Variants in SLC6A17 observed in about 807,000 individuals in gnomAD.
The protein encoded by SLC6A17 is sodium-dependent neutral amino acid transporter SLC6A17.
Under a neutral mutation model 64.5 loss-of-function variants are expected in SLC6A17, and 21 were observed. That is an observed-to-expected ratio of 0.33 (90% CI 0.23 to 0.47). The LOEUF (loss-of-function observed/expected upper bound fraction) is 0.47. Among genes scored for constraint, SLC6A17 ranks in the 20% least tolerant of loss-of-function variants. SLC6A17 has a pLI of 1.00. For missense variants in SLC6A17, 682 were observed against 963.2 expected, an observed-to-expected ratio of 0.71 and a Z score of 3.86; for synonymous variants, 372 against 399.5, an observed-to-expected ratio of 0.93 and a Z score of 0.82.
chr1:110,170,827 G>A (rs1047654311), intron 2 of SLC6A17, among the ~76,000 whole-genome samples: 2 of 151,974 alleles, frequency 1.3e-5, no homozygotes, highest in Non-Finnish European at 2.9e-5. Context: ...TGCATGGTTG[G>A]CTTGTGTGAC....
In SLC6A17 at chr1:110,194,814, C is replaced by A. The variant is rs781421176; in HGVS notation, c.1492+43C>A. 4 of 1,603,486 alleles carry A rather than the reference C, an allele frequency of 2.5e-6. No homozygotes were observed. In the Admixed American group the frequency reaches 5.0e-5, roughly 20 times the overall value. ...CCATGCCCAGGCTCTGCAGGCTGCCCTTGTGGACAACAATTCCGTTCTGGC... is the reference window on the plus strand; with the variant it reads ...CCATGCCCAGGCTCTGCAGGCTGCCATTGTGGACAACAATTCCGTTCTGGC... On this transcript the variant is annotated intron_variant, in intron 9 of 11. Transcript: ENST00000331565.
chr1:110,164,563 C>G (rs1223821350), intron 1 of SLC6A17, among the ~76,000 whole-genome samples: 4 of 152,184 alleles, frequency 2.6e-5, no homozygotes, highest in African/African-American at 9.7e-5. Context: ...TTGTGCGAGC[C>G]CTTTGCATCC....
chr1:110,190,709 C>T (rs1656803415), intron 6 of SLC6A17, among the ~76,000 whole-genome samples: 1 of 152,220 alleles, frequency 6.6e-6, no homozygotes, highest in Admixed American at 6.5e-5. Context: ...TCTGAATTGG[C>T]TCCTTGCCTC....
At chr1:110,161,448 C>T (rs1655906852) in intron 1 of SLC6A17, among the ~76,000 whole-genome samples, 1 of 151,800 alleles carries the variant, frequency 6.6e-6, no homozygotes, top group Non-Finnish European at 1.5e-5. Flanking sequence ...TGAAGAGGTG[C>T]TTTTTAAGGA....
At position 110,199,738 on chromosome 1, in the gene SLC6A17, C is replaced by T. The variant is rs1571007609; in HGVS notation, c.*1294C>T. 7.8e-6 allele frequency: 3 copies of T among 383,044 alleles called. No homozygotes were observed. The highest frequency in any genetic ancestry group is 1.4e-5 in the Non-Finnish European group (3 of 216,618). 23.7% of individuals were successfully genotyped at this position (383,044 alleles called of 1,614,324 possible). On this transcript the variant is annotated 3_prime_UTR_variant, in exon 12 of 12. Transcript: ENST00000331565. ...TGCAGAAGGCTGCAGCTGACAACAG[C>T]GACCCCACCTGCCATTACCTTCAGG...
Position 110,197,979 on chromosome 1 carries a change from A to T in SLC6A17, c.1816-97A>T. ...GGATGGTGGGAGGGGAGAGGAGTGGAAGGCCATGGGTGAGGGCAGGAGAGC... is the reference window on the plus strand; with the variant it reads ...GGATGGTGGGAGGGGAGAGGAGTGGTAGGCCATGGGTGAGGGCAGGAGAGC... On this transcript the variant is annotated intron_variant, in intron 11 of 11. Coordinates refer to ENST00000331565, the MANE Select transcript of SLC6A17 (RefSeq NM_001010898.4). The T allele has an allele frequency of 4.0e-6, 6 of 1,507,200 alleles. No homozygotes were observed. The South Asian group carries it at 4.0e-5, about 10-fold the overall frequency. 93.4% of individuals were successfully genotyped at this position (1,507,200 alleles called of 1,614,324 possible).
chr1:110,181,007 G>A (rs756795007), intron 6 of SLC6A17, among the ~76,000 whole-genome samples: 9 of 152,098 alleles, frequency 5.9e-5, no homozygotes, highest in Non-Finnish European at 8.8e-5. Context: ...GACAGTTACC[G>A]GGTATGATGA....
intron 8 of SLC6A17, among the ~76,000 whole-genome samples, chr1:110,193,778 C>A (rs1188103948): frequency 2.0e-5 from 3 of 152,262 alleles, no homozygotes; most frequent in Non-Finnish European, 4.4e-5. Context: ...AAACCCTGCT[C>A]AGTTCTCATG....
intron 3 of SLC6A17, 135 bp from the exon 4 acceptor site, chr1:110,173,838 C>G (rs932976922): frequency 7.5e-7 from 1 of 1,332,614 alleles, no homozygotes; most frequent in Admixed American, 2.4e-5. Context: ...GGCCCGCACC[C>G]TATCCCTCCT....
chr1:110,153,982 G>A (rs945094222), intron 1 of SLC6A17, among the ~76,000 whole-genome samples: 11 of 152,216 alleles, frequency 7.2e-5, no homozygotes, highest in African/African-American at 2.4e-4. Context: ...ATAGGTAGAT[G>A]TGATTGCTAG....
intron 10 of SLC6A17, among the ~76,000 whole-genome samples, chr1:110,196,676 A>G (rs1656978443): frequency 6.6e-6 from 1 of 152,218 alleles, no homozygotes; most frequent in Non-Finnish European, 1.5e-5. Flanking sequence ...AAATAGCAAA[A>G]TATCATTTAA....
chr1:110,200,065 A>C lies in SLC6A17; in HGVS notation c.*1621A>C, dbSNP rs989148574. On this transcript the variant is annotated 3_prime_UTR_variant, in exon 12 of 12. Transcript: ENST00000331565. ...GGTGGGCAGGGCAGAAACAGGCCAC[A>C]GTGCTCAACCCGGACACCCTCACGA... 1 of 398,434 alleles carries C rather than the reference A, an allele frequency of 2.5e-6. No individual in the cohort carries two copies. Among genetic ancestry groups the C allele is most frequent in the South Asian group, 1.3e-4 (1 of 7,862 alleles). 24.7% of individuals were successfully genotyped at this position (398,434 alleles called of 1,614,324 possible).
chr1:110,159,585 CTG>C (rs1329889126), intron 1 of SLC6A17, among the ~76,000 whole-genome samples: 1 of 152,214 alleles, frequency 6.6e-6, no homozygotes, highest in African/African-American at 2.4e-5. Flanking sequence ...CCAAGCCATG[CTG>C]TGTGTCAGGA....
intron 1 of SLC6A17, among the ~76,000 whole-genome samples, chr1:110,159,416 T>C (rs1655843246): frequency 1.3e-5 from 2 of 152,206 alleles, no homozygotes; most frequent in Non-Finnish European, 2.9e-5. Flanking sequence ...CTCTGGACCA[T>C]CTGCCCCCTT....
At chr1:110,181,025 GT>G (rs1249070748) in intron 6 of SLC6A17, among the ~76,000 whole-genome samples, 3 of 152,164 alleles carry the variant, frequency 2.0e-5, no homozygotes, top group African/African-American at 7.2e-5. Flanking sequence ...TGAATGCGAT[GT>G]GGCCAAGCTG....
rs12138403 is a variant in SLC6A17, at chr1:110,201,213, G to A, written c.*2769G>A. 12,815 of 152,292 alleles carry A rather than the reference G, an allele frequency of 0.084. 567 individuals are homozygous for A. Among genetic ancestry groups the A allele is most frequent in the Non-Finnish European group, 0.1 (6,993 of 68,038 alleles). The allele number at this position is 152,292 out of a possible 1,614,324, so 9.4% of individuals were successfully genotyped here. The stretch of plus-strand genomic sequence containing the variant: ...TTGCCGTTGACGCAGTCCTGACAGT[G>A]TTTGAAAAGGGCCGCCTGCCCCCTC... On this transcript the variant is annotated 3_prime_UTR_variant, in exon 12 of 12. Transcript: ENST00000331565.
intron 9 of SLC6A17, 126 bp downstream of exon 9, chr1:110,194,897 C>G: frequency 8.5e-7 from 1 of 1,170,172 alleles, no homozygotes; most frequent in Non-Finnish European, 1.2e-6. Context: ...CACTGGGACA[C>G]AGCTGGAGCC....
intron 8 of SLC6A17, among the ~76,000 whole-genome samples, chr1:110,194,136 A>G (rs1428785879): frequency 6.6e-6 from 1 of 152,228 alleles, no homozygotes; most frequent in East Asian, 1.9e-4. Flanking sequence ...CGGTGTTTCT[A>G]AAGGCTCCGG....
chr1:110,176,775 C>T (rs1375553007), intron 6 of SLC6A17, 36 bp downstream of exon 6: 29 of 1,568,254 alleles, frequency 1.8e-5, no homozygotes, highest in Non-Finnish European at 2.5e-5. Context: ...CAGGGAACAG[C>T]AACAGGTCTA....
Sources: gnomAD v4.1 joint callset for allele counts (sites outside exome capture counted in the v4.1 genomes callset) on GRCh38, gnomAD v4.1.1 for gene constraint, MANE v1.5 for transcripts, NCBI Gene and HGNC (gene_info 2026-07-23, HGNC 2026-07-21) for gene names.